NAV2: variants seen among roughly 807,000 people sequenced by gnomAD.
NAV2 encodes neuron navigator 2.
A neutral mutation model predicts 223.2 loss-of-function variants in NAV2; 54 were observed. The ratio of observed to expected loss-of-function variants is 0.24; its 90% CI spans 0.19 to 0.30. The LOEUF (loss-of-function observed/expected upper bound fraction) is 0.30, where lower values mean the gene tolerates loss of function less well. Among genes scored for constraint, NAV2 ranks in the 10% least tolerant of loss-of-function variants. The pLI is 1.00. For missense variants in NAV2, 2,806 were observed against 3,147.5 expected, an observed-to-expected ratio of 0.89 and a Z score of 2.60; for synonymous variants, 1,279 against 1,239.3, an observed-to-expected ratio of 1.03 and a Z score of -0.67.
chr11:19,886,923 T>C (rs762455455), intron 5 of NAV2, among the ~76,000 whole-genome samples: 1 of 152,212 alleles, frequency 6.6e-6, no homozygotes, highest in Non-Finnish European at 1.5e-5. Flanking sequence ...CTGAGGCCAA[T>C]GAAGGGATGC....
chr11:19,785,277 C>T (rs989521391), intron 1 of NAV2, among the ~76,000 whole-genome samples: 2 of 152,214 alleles, frequency 1.3e-5, no homozygotes, highest in African/African-American at 2.4e-5. Flanking sequence ...CCCAGGGCCT[C>T]ATGGCCTGCA....
chr11:19,830,212 G>A (rs576278625), intron 1 of NAV2, among the ~76,000 whole-genome samples: 20 of 152,284 alleles, frequency 1.3e-4, no homozygotes, highest in Middle Eastern at 3.4e-3. Flanking sequence ...GTGACAGAAC[G>A]AGACTCTGTC....
At chr11:19,741,672 A>T (rs1047081660) in intron 1 of NAV2, among the ~76,000 whole-genome samples, 3 of 140,948 alleles carry the variant, frequency 2.1e-5, no homozygotes, top group Non-Finnish European at 3.0e-5. Flanking sequence ...GTATGTATGT[A>T]TCATGTGTGT....
intron 1 of NAV2, among the ~76,000 whole-genome samples, chr11:19,486,260 A>C (rs2042441519): frequency 6.6e-6 from 1 of 152,090 alleles, no homozygotes; most frequent in African/African-American, 2.4e-5. Flanking sequence ...GCATCCATTT[A>C]TAGTCTCTTC....
chr11:19,778,646 T>A (rs1222158114), intron 1 of NAV2, among the ~76,000 whole-genome samples: 4 of 152,244 alleles, frequency 2.6e-5, no homozygotes, highest in Non-Finnish European at 5.9e-5. Context: ...AAATGGCACC[T>A]TGCTTTTCAT....
At chr11:19,564,099 A>AC (rs1214149807) in intron 1 of NAV2, among the ~76,000 whole-genome samples, 6 of 151,884 alleles carry the variant, frequency 4.0e-5, no homozygotes, top group Non-Finnish European at 8.8e-5. Flanking sequence ...TGAACCCCCG[A>AC]CCCCTACCCC....
chr11:19,709,692 G>A (rs1974932), upstream of NAV2, among the ~76,000 whole-genome samples: 25,142 of 151,806 alleles, frequency 0.17, 2,647 homozygotes, highest in Middle Eastern at 0.31. Flanking sequence ...AAAATTAGCC[G>A]GGTGTGGTGG....
chr11:19,790,220 C>G (rs2057424258), intron 1 of NAV2, among the ~76,000 whole-genome samples: 1 of 152,184 alleles, frequency 6.6e-6, no homozygotes, highest in Non-Finnish European at 1.5e-5. Flanking sequence ...ATTTCATGGT[C>G]TTCCTCTGGA....
At chr11:19,804,741 C>T (rs1297524542) in intron 1 of NAV2, among the ~76,000 whole-genome samples, 7 of 152,160 alleles carry the variant, frequency 4.6e-5, no homozygotes, top group Middle Eastern at 3.2e-3. Context: ...AGATAATGAT[C>T]ATAGATCCTG....
At chr11:19,479,488 G>A (rs1180792584) in intron 1 of NAV2, among the ~76,000 whole-genome samples, 4 of 152,098 alleles carry the variant, frequency 2.6e-5, no homozygotes, top group African/African-American at 9.7e-5. Flanking sequence ...AAACCGTCCT[G>A]TTAATTCCCA....
In NAV2 at chr11:20,118,668, G is replaced by T. The variant is rs1228542320; in HGVS notation, c.*410G>T. On this transcript the variant is annotated 3_prime_UTR_variant, in exon 38 of 38. Transcript: ENST00000349880. ...AGCTTCCCAGAGACAGAAGAGACTG[G>T]AGCAAAGTCGGAAACACAGAGAAGC... 1.2e-5 allele frequency: 2 copies of T among 165,104 alleles called. No individual in the cohort carries two copies. Among genetic ancestry groups the T allele is most frequent in the African/African-American group, 2.4e-5 (1 of 41,504 alleles). The allele number at this position is 165,104 out of a possible 1,614,324, so 10.2% of individuals were successfully genotyped here.
intron 1 of NAV2, among the ~76,000 whole-genome samples, chr11:19,405,585 A>C (rs1178962170): frequency 1.3e-5 from 2 of 152,220 alleles, no homozygotes; most frequent in Non-Finnish European, 2.9e-5. Flanking sequence ...TTGCATACTC[A>C]TGAGGTGCTT....
intron 1 of NAV2, among the ~76,000 whole-genome samples, chr11:19,496,359 G>A (rs1378606434): frequency 6.6e-6 from 1 of 152,192 alleles, no homozygotes; most frequent in Non-Finnish European, 1.5e-5. Context: ...TCTCTCATGA[G>A]GTTGCATTCA....
At chr11:19,564,525 T>C (rs1179414240) in intron 1 of NAV2, among the ~76,000 whole-genome samples, 1 of 152,200 alleles carries the variant, frequency 6.6e-6, no homozygotes, top group African/African-American at 2.4e-5. Context: ...AAGGAGACTC[T>C]TGGCAGAGCT....
chr11:19,658,691 T>C (rs887767834), intron 1 of NAV2, among the ~76,000 whole-genome samples: 20 of 152,208 alleles, frequency 1.3e-4, no homozygotes, highest in African/African-American at 2.4e-5. Flanking sequence ...TCATGAGAAC[T>C]AATTGCTTGT....
intron 6 of NAV2, among the ~76,000 whole-genome samples, chr11:19,926,956 C>T (rs191827840): frequency 6.6e-6 from 1 of 152,180 alleles, no homozygotes; most frequent in Non-Finnish European, 1.5e-5. Context: ...AGTGTCCGCC[C>T]TCACTGAAGG....
At chr11:19,797,833 G>T (rs532940373) in intron 1 of NAV2, among the ~76,000 whole-genome samples, 1 of 152,110 alleles carries the variant, frequency 6.6e-6, no homozygotes, top group Non-Finnish European at 1.5e-5. Flanking sequence ...CTCCTCAGGT[G>T]GTCCTGAGGA....
At chr11:20,095,305 C>T (rs1423220849) in intron 29 of NAV2, among the ~76,000 whole-genome samples, 5 of 152,164 alleles carry the variant, frequency 3.3e-5, no homozygotes, top group Non-Finnish European at 4.4e-5. Flanking sequence ...TCACTGAAGG[C>T]TTCCTGGAAG....
intron 1 of NAV2, among the ~76,000 whole-genome samples, chr11:19,793,660 G>C (rs1042743420): frequency 5.3e-5 from 8 of 152,082 alleles, no homozygotes; most frequent in African/African-American, 1.9e-4. Context: ...GTGGCCTATG[G>C]AAAACTTAAA....
Sources: gnomAD v4.1 joint callset for allele counts (sites outside exome capture counted in the v4.1 genomes callset) on GRCh38, gnomAD v4.1.1 for gene constraint, MANE v1.5 for transcripts, NCBI Gene and HGNC (gene_info 2026-07-23, HGNC 2026-07-21) for gene names.